STRADB: variants seen among roughly 807,000 people sequenced by gnomAD.
STRADB encodes the protein STE20-related kinase adapter protein beta.
STRADB carries 34 observed loss-of-function variants against 52.1 expected under a neutral mutation model. The ratio of observed to expected loss-of-function variants is 0.65; its 90% CI spans 0.50 to 0.87. The LOEUF (loss-of-function observed/expected upper bound fraction) is 0.87, where lower values mean the gene tolerates loss of function less well. Ranked by LOEUF, STRADB falls within the 40% of genes least tolerant of loss-of-function variation. STRADB has a pLI of 0.00. For synonymous variants in STRADB, 133 were observed against 174.5 expected (o/e 0.76, Z 1.87); for missense variants, 340 against 483.9 (o/e 0.70, Z 2.79).
chr2:201,458,523 A>T (rs1410482111), intron 2 of STRADB, among the ~76,000 whole-genome samples: 1 of 152,246 alleles, frequency 6.6e-6, no homozygotes, highest in African/African-American at 2.4e-5. Context: ...TTATGACATC[A>T]AGAAAAGAGG....
At chr2:201,453,280 C>T in intron 1 of STRADB, among the ~76,000 whole-genome samples, 1 of 152,098 alleles carries the variant, frequency 6.6e-6, no homozygotes, top group East Asian at 1.9e-4. Context: ...AAATCAGTAA[C>T]AACTTGCTGA....
intron 3 of STRADB, among the ~76,000 whole-genome samples, chr2:201,461,111 C>T: frequency 6.6e-6 from 1 of 152,034 alleles, no homozygotes; most frequent in East Asian, 1.9e-4. Context: ...ATTTGCATTT[C>T]TCTGATGATC....
In STRADB at chr2:201,478,280, C is replaced by T. The variant is rs572372910; in HGVS notation, c.826-77C>T. ...TTCTGTTAAACATGTTTGCTATAGA[C>T]TCTTAGGAGCTTTATTGTTGTTACT... On this transcript the variant is annotated intron_variant, in intron 9 of 11. Transcript: ENST00000194530. 6.1e-4 allele frequency: 971 copies of T among 1,594,676 alleles called. 2 individuals carry two copies. Among genetic ancestry groups the T allele is most frequent in the Middle Eastern group, 8.4e-4 (5 of 5,970 alleles).
rs1223597698 is a variant in STRADB at position 201,480,765 on chromosome 2, A to G, written c.*590A>G. ...GCTTTTTTTTAAACAAGGGGGCTAA[A>G]GTAACACTTTCCTACTTATGTAAAT... On this transcript the variant is annotated 3_prime_UTR_variant, in exon 12 of 12. Transcript: ENST00000194530. 6 of 985,674 alleles carry G rather than the reference A, an allele frequency of 6.1e-6. No individual in the cohort carries two copies. The highest frequency in any genetic ancestry group is 6.0e-6 in the Non-Finnish European group (5 of 829,890). 61.1% of individuals were successfully genotyped at this position (985,674 alleles called of 1,614,324 possible).
At chr2:201,475,418 CCTAATCT>C (rs57263103) in intron 6 of STRADB, among the ~76,000 whole-genome samples, 194 bp from the exon 7 acceptor site, 4 of 152,010 alleles carry the variant, frequency 2.6e-5, no homozygotes, top group African/African-American at 9.6e-5. Context: ...AATTCTCTTC[CCTAATCT>C]CTAAAGTGTC....
chr2:201,461,983 G>T (rs1952223737), intron 3 of STRADB, among the ~76,000 whole-genome samples: 1 of 152,132 alleles, frequency 6.6e-6, no homozygotes, highest in Non-Finnish European at 1.5e-5. Context: ...TCAAAAATGA[G>T]TTCACTGTAG....
intron 2 of STRADB, among the ~76,000 whole-genome samples, chr2:201,456,983 C>T (rs2540446): frequency 0.032 from 4,802 of 152,196 alleles, 261 homozygotes; most frequent in African/African-American, 0.11. Flanking sequence ...GGACTTGTCA[C>T]GTAGGCGTGC....
At chr2:201,477,953 A>G in intron 8 of STRADB, 134 bp from the exon 9 acceptor site, 1 of 1,159,780 alleles carries the variant, frequency 8.6e-7, no homozygotes, top group Admixed American at 2.3e-5. Context: ...ACCATATATG[A>G]AGTGTGTCTT....
At chr2:201,463,011 C>T (rs1287988562) in intron 3 of STRADB, among the ~76,000 whole-genome samples, 2 of 152,154 alleles carry the variant, frequency 1.3e-5, no homozygotes, top group Non-Finnish European at 2.9e-5. Flanking sequence ...AGTTCTTCTT[C>T]CATGTTTGAA....
At chr2:201,471,696 A>G (rs1488974717) in intron 4 of STRADB, among the ~76,000 whole-genome samples, 1 of 152,234 alleles carries the variant, frequency 6.6e-6, no homozygotes, top group Admixed American at 6.5e-5. Flanking sequence ...AGGAAGATGT[A>G]GTAGATCAGC....
chr2:201,470,064 G>A lies in STRADB; in HGVS notation c.193+12G>A, dbSNP rs367869349. The A allele has an allele frequency of 3.2e-6, 5 of 1,582,810 alleles. No homozygotes were observed. In the African/African-American group the frequency reaches 6.7e-5, roughly 21 times the overall value. On this transcript the variant is annotated intron_variant, in intron 4 of 11. Coordinates refer to ENST00000194530, the MANE Select transcript of STRADB (RefSeq NM_018571.6). ...CCAAGTAGAAATAGGTAATAATCCT[G>A]AATTTCTAATTGACCCTTCAGTGCT...
At position 201,477,745 on chromosome 2, in the gene STRADB, C is replaced by G. The variant is rs765847340; in HGVS notation, c.675C>G (p.Phe225Leu). 3 of 1,613,570 alleles carry G rather than the reference C, an allele frequency of 1.9e-6. No homozygotes were observed. Among genetic ancestry groups the G allele is most frequent in the East Asian group, 4.5e-5 (2 of 44,856 alleles). ...RHRAVYDFPQFSTSVQPWLSP... is the reference protein window; with the variant it reads ...RHRAVYDFPQLSTSVQPWLSP... The stretch of plus-strand genomic sequence containing the variant: ...GGGCTGTGTATGATTTCCCACAGTT[C>G]AGCACATCAGTGCAGCCGTGGCTGA... The change falls in exon 8 of 12, where the codon TTC (phenylalanine) becomes TTG (leucine). Residue 225 changes from phenylalanine to leucine, a missense_variant. By Grantham distance (22) the Phe-to-Leu change is conservative. Coordinates refer to ENST00000194530, the MANE Select transcript of STRADB (RefSeq NM_018571.6).
chr2:201,458,634 A>G, intron 2 of STRADB, 150 bp from the exon 3 acceptor site: 3 of 605,718 alleles, frequency 5.0e-6, no homozygotes, highest in Non-Finnish European at 8.8e-6. Flanking sequence ...GTTCCTCATG[A>G]TGTGGATCCT....
chr2:201,455,241 C>T (rs562887642), intron 2 of STRADB, among the ~76,000 whole-genome samples: 11 of 152,108 alleles, frequency 7.2e-5, no homozygotes, highest in East Asian at 1.9e-4. Flanking sequence ...TTGACTTAAC[C>T]GAAATAAAAT....
chr2:201,454,964 T>C lies in STRADB; in HGVS notation c.12+112T>C, dbSNP rs896037961. 7.1e-6 allele frequency: 7 copies of C among 987,464 alleles called. No individual in the cohort carries two copies. The African/African-American group carries it at 8.2e-5, about 12-fold the overall frequency. The allele number at this position is 987,464 out of a possible 1,614,324, so 61.2% of individuals were successfully genotyped here. ...TGGGATATTCTTATGCTCTGAGATA[T>C]TGTTTTGACCTGATTGACTTCTGGA... On this transcript the variant is annotated intron_variant, in intron 2 of 11. Coordinates refer to ENST00000194530, the MANE Select transcript of STRADB (RefSeq NM_018571.6).
intron 2 of STRADB, among the ~76,000 whole-genome samples, chr2:201,457,050 T>G (rs1325589043): frequency 6.6e-6 from 1 of 152,220 alleles, no homozygotes; most frequent in Non-Finnish European, 1.5e-5. Flanking sequence ...GTGTTCAGCA[T>G]AAACTGTATT....
intron 6 of STRADB, 76 bp downstream of exon 6, chr2:201,474,831 T>C: frequency 8.8e-7 from 1 of 1,136,268 alleles, no homozygotes; most frequent in South Asian, 1.5e-5. Context: ...ATTTTAGATT[T>C]ATGATTTGCC....
intron 4 of STRADB, among the ~76,000 whole-genome samples, chr2:201,470,912 T>C (rs1952379423): frequency 6.6e-6 from 1 of 152,322 alleles, no homozygotes; most frequent in Non-Finnish European, 1.5e-5. Flanking sequence ...GCTAGAGAAC[T>C]AGGCTTGGAA....
At chr2:201,471,341 CGTT>C (rs1201306654) in intron 4 of STRADB, among the ~76,000 whole-genome samples, 1 of 152,068 alleles carries the variant, frequency 6.6e-6, no homozygotes, top group Non-Finnish European at 1.5e-5. Context: ...GTTTGGAACA[CGTT>C]GTGAAGGACT....
Sources: allele counts gnomAD v4.1 joint callset (sites outside exome capture counted in the v4.1 genomes callset), GRCh38; gene constraint gnomAD v4.1.1; transcripts MANE v1.5; gene names NCBI Gene and HGNC (gene_info 2026-07-23, HGNC 2026-07-21).